DENND4A: variants seen among roughly 807,000 people sequenced by gnomAD.
DENND4A encodes DENN domain containing 4A, also known as C-myc promoter-binding protein.
A neutral mutation model predicts 199.3 loss-of-function variants in DENND4A; 70 were observed. That is an observed-to-expected ratio of 0.35 (90% confidence interval 0.29 to 0.43). DENND4A has a LOEUF of 0.43. DENND4A is among the 20% of genes least tolerant of loss of function. The pLI is 1.00. For missense variants in DENND4A, 1,723 were observed against 2,255.8 expected (o/e 0.76, Z 4.78); for synonymous variants, 686 against 766.9 (o/e 0.89, Z 1.74).
intron 4 of DENND4A, among the ~76,000 whole-genome samples, chr15:65,746,462 C>CT (rs2076400919): frequency 7.4e-6 from 1 of 135,978 alleles, no homozygotes; most frequent in African/African-American, 2.7e-5. Flanking sequence ...TCTCGGCTCA[C>CT]TGCAACCTCT....
intron 24 of DENND4A, among the ~76,000 whole-genome samples, chr15:65,675,470 AC>A (rs955096470): frequency 2.7e-4 from 41 of 152,202 alleles, no homozygotes; most frequent in African/African-American, 7.5e-4. Flanking sequence ...GGCAAAAAAA[AC>A]ACCCCCAAAA....
rs145231618 is a variant in DENND4A at position 65,684,127 on chromosome 15, C to T, written c.4179+6288G>A. Among the ~76,000 whole-genome samples the T allele has an allele frequency of 9.2e-5, 14 of 152,250 alleles. No individual in the cohort carries two copies. In the East Asian group the frequency reaches 1.3e-3, roughly 15 times the overall value. On this transcript the variant is annotated intron_variant, in intron 23 of 32. Coordinates refer to ENST00000443035, the MANE Select transcript of DENND4A (RefSeq NM_001320835.1). The stretch of plus-strand genomic sequence containing the variant: ...CACATTTTACCTATTTTCCAGTTGA[C>T]GGAAATTTGGGTTGTTTCCACTTTT...
chr15:65,791,669 T>C (rs1425432760), intron 1 of DENND4A, among the ~76,000 whole-genome samples: 1 of 151,630 alleles, frequency 6.6e-6, no homozygotes, highest in Non-Finnish European at 1.5e-5. Flanking sequence ...AACGGGCTTG[T>C]CAAAATCCCA....
In DENND4A at chr15:65,681,443, C is replaced by T. The variant is rs1439904303; in HGVS notation, c.4180-4809G>A. 3 of 149,268 alleles carry T rather than the reference C, an allele frequency of 2.0e-5. No homozygotes were observed. The East Asian group carries it at 6.5e-4, about 32-fold the overall frequency. The allele number at this position is 149,268 out of a possible 1,614,324, so 9.2% of individuals were successfully genotyped here. A position where few individuals can be genotyped will look rare whatever the true frequency, so the allele number is the denominator to read the frequency against. ...GGCTATAACTTTATGAAATGTATTT[C>T]TTAAATACTAAGTTAAAAGTAAAAG... On this transcript the variant is annotated intron_variant, in intron 23 of 32. Transcript: ENST00000443035.
In DENND4A at chr15:65,729,611, C is replaced by T. The variant is rs1567053555; in HGVS notation, c.1234G>A (p.Ala412Thr). Reference sequence around the variant, plus strand: ...ATAAGAATTTTATGTTCTGTTACTGCAAACACCAGTAGTGTCACAGCATTT... The same window carrying T: ...ATAAGAATTTTATGTTCTGTTACTGTAAACACCAGTAGTGTCACAGCATTT... ...PENAVTLLVF[A>T]VTEHKILIHS... Residue 412 changes from alanine (A) to threonine (T), a missense_variant, in exon 10 of 33, where the codon GCA (alanine) becomes ACA (threonine). This residue lies in a region of DENND4A where 725 missense variants were observed against 952.9 expected (regional missense o/e 0.76). Coordinates refer to ENST00000443035, the MANE Select transcript of DENND4A (RefSeq NM_001320835.1). 1.3e-6 allele frequency: 2 copies of T among 1,584,856 alleles called. No homozygotes were observed. The highest frequency in any genetic ancestry group is 1.2e-5 in the South Asian group (1 of 86,690).
At chr15:65,703,058 T>C (rs746657118) in intron 15 of DENND4A, 50 bp from the exon 16 acceptor site, 35 of 1,535,324 alleles carry the variant, frequency 2.3e-5, no homozygotes, top group Middle Eastern at 2.1e-4. Flanking sequence ...CAAGCACACA[T>C]AGATGATCAT....
At position 65,671,985 on chromosome 15, in the gene DENND4A, C is replaced by A. The variant is rs371860757; in HGVS notation, c.4370-99G>T. 4.6e-4 allele frequency: 347 copies of A among 747,910 alleles called. 5 individuals are homozygous for A. In the South Asian group the frequency reaches 5.1e-3, roughly 11 times the overall value. 46.3% of individuals were successfully genotyped at this position (747,910 alleles called of 1,614,324 possible). ...CATAAGTTCTCAGATAAAATGTTAA[C>A]CTATTCCAGTCAAAATATTAAAACT... On this transcript the variant is annotated intron_variant, in intron 24 of 32. Coordinates refer to ENST00000443035, the MANE Select transcript of DENND4A (RefSeq NM_001320835.1).
intron 15 of DENND4A, among the ~76,000 whole-genome samples, chr15:65,703,352 T>C (rs887278793): frequency 7.2e-5 from 11 of 152,222 alleles, no homozygotes; most frequent in African/African-American, 2.7e-4. Context: ...ATATGACAGT[T>C]GGTAAAAGGC....
chr15:65,789,885 G>A (rs191807338), intron 1 of DENND4A, among the ~76,000 whole-genome samples: 104 of 152,262 alleles, frequency 6.8e-4, no homozygotes, highest in African/African-American at 2.4e-3. Flanking sequence ...GCCGGGTGCG[G>A]TAGCTCACGC....
In DENND4A at chr15:65,717,927, T is replaced by C; in HGVS notation, c.1658A>G (p.Lys553Arg). The C allele has an allele frequency of 1.2e-6, 2 of 1,609,782 alleles. No individual in the cohort carries two copies. The highest frequency in any genetic ancestry group is 1.1e-5 in the South Asian group (1 of 90,152). ...AINDYDFNSG[K>R]RLHMIDLEIQ... ...TTCCAAATCTATCATGTGCAACCTC[T>C]TTCCAGAATTAAAATCATAGTCATT... is the stretch of plus-strand genomic sequence containing the variant. Residue 553 changes from lysine to arginine, a missense_variant, in exon 13 of 33, where the codon AAG (lysine) becomes AGG (arginine). Lys to Arg is a conservative substitution (Grantham distance 26). Around this residue, in one of 6 missense-constraint regions of DENND4A, gnomAD observed 725 missense variants for 952.9 expected, o/e 0.76. Coordinates refer to ENST00000443035, the MANE Select transcript of DENND4A (RefSeq NM_001320835.1).
chr15:65,719,533 C>T (rs1208491861), intron 12 of DENND4A, among the ~76,000 whole-genome samples: 3 of 151,984 alleles, frequency 2.0e-5, no homozygotes, highest in Admixed American at 6.5e-5. Flanking sequence ...AAATAGTGTG[C>T]GATCTGATAT....
chr15:65,788,165 C>A (rs1322097809), intron 1 of DENND4A, among the ~76,000 whole-genome samples: 9 of 151,996 alleles, frequency 5.9e-5, no homozygotes, highest in African/African-American at 1.9e-4. Context: ...CAAGCTCCGC[C>A]TCCCAGGTTC....
At chr15:65,772,070 G>A (rs963353067) in intron 1 of DENND4A, 7 of 1,213,238 alleles carry the variant, frequency 5.8e-6, no homozygotes, top group Admixed American at 3.5e-5. Context: ...GGGCCTTCTC[G>A]CGGTTGCCAG....
Position 65,701,052 on chromosome 15 carries a change from T to C in DENND4A, c.2700A>G (p.Ser900=). The change falls in exon 19 of 33, where the codon TCA becomes TCG. Residue 900 remains serine (S), a splice_region_variant and synonymous_variant. Coordinates refer to ENST00000443035, the MANE Select transcript of DENND4A (RefSeq NM_001320835.1). ...AAGTAAAACACATACATCCCTTACC[T>C]GAGAGAGTTGTTTGTGATAAGTGTG... ...KHAHLSQTTL[S]ADGSDLDAVS... is the part of the protein sequence containing the mutation. 1 of 1,604,664 alleles carries C rather than the reference T, an allele frequency of 6.2e-7. No homozygotes were observed. Among genetic ancestry groups the C allele is most frequent in the Non-Finnish European group, 8.5e-7 (1 of 1,176,926 alleles).
At chr15:65,663,164 ATG>A (rs1292348377) in intron 32 of DENND4A, among the ~76,000 whole-genome samples, 4 of 129,612 alleles carry the variant, frequency 3.1e-5, no homozygotes, top group Non-Finnish European at 4.9e-5. Context: ...TTTTATATAT[ATG>A]TGTGTGTGTG....
chr15:65,677,537 AT>A (rs1160337066), intron 23 of DENND4A, among the ~76,000 whole-genome samples: 1 of 152,122 alleles, frequency 6.6e-6, no homozygotes, highest in East Asian at 1.9e-4. Context: ...ATAGTAAAAT[AT>A]TTTCATCCTT....
rs752285150 is a variant in DENND4A at position 65,737,899 on chromosome 15, T to C, written c.848A>G (p.Asn283Ser). ...IQFYEPYSEE[N>S]LTEKQRLLLG... ...AAGAAGTCTCTGCTTTTCTGTGAGA[T>C]TCTCCTCAGAGTATGGTTCATAAAA... The change falls in exon 7 of 33, where the codon AAT (asparagine) becomes AGT (serine). Residue 283 changes from asparagine (N) to serine (S), a missense_variant. Asn to Ser is a conservative substitution (Grantham distance 46, BLOSUM62 1). Transcript: ENST00000443035. 1.2e-6 allele frequency: 2 copies of C among 1,602,390 alleles called. No individual in the cohort carries two copies. Among genetic ancestry groups the C allele is most frequent in the African/African-American group, 1.3e-5 (1 of 74,794 alleles).
intron 4 of DENND4A, among the ~76,000 whole-genome samples, chr15:65,745,900 G>A (rs774759631): frequency 3.9e-5 from 6 of 151,924 alleles, no homozygotes; most frequent in Non-Finnish European, 5.9e-5. Context: ...TTGGAAGGCC[G>A]AGGTGGGCGG....
rs763261526 is a variant in DENND4A, at chr15:65,668,097, C to T, written c.4814G>A (p.Cys1605Tyr). 1 of 1,575,980 alleles carries T rather than the reference C, an allele frequency of 6.3e-7. No individual in the cohort carries two copies. The highest frequency in any genetic ancestry group is 8.6e-7 in the Non-Finnish European group (1 of 1,169,558). ...NSKSKLQENFCTRSIQIPANR... is the reference protein window; with the variant it reads ...NSKSKLQENFYTRSIQIPANR... ...AGCAGGGATCTGAATACTTCGGGTGCAAAAATTTTCCTGCAGTTTAGATTT... is the reference window on the plus strand; with the variant it reads ...AGCAGGGATCTGAATACTTCGGGTGTAAAAATTTTCCTGCAGTTTAGATTT... Residue 1605 changes from cysteine (C) to tyrosine (Y), a missense_variant, in exon 28 of 33, where the codon TGC becomes TAC. Cys to Tyr is a radical substitution (Grantham distance 194). This residue lies in a region of DENND4A where 141 missense variants were observed against 170.7 expected (regional missense o/e 0.83). Transcript: ENST00000443035.
Sources: gnomAD v4.1 joint callset for allele counts (sites outside exome capture counted in the v4.1 genomes callset) on GRCh38, gnomAD v4.1.1 for gene constraint, gnomAD v4.1.1 regional missense constraint, MANE v1.5 for transcripts, NCBI Gene and HGNC (gene_info 2026-07-23, HGNC 2026-07-21) for gene names.